NPTX2: variants seen among roughly 807,000 people sequenced by gnomAD.
The protein encoded by NPTX2 is neuronal pentraxin 2.
A neutral mutation model predicts 38.1 loss-of-function variants in NPTX2; 23 were observed. The ratio of observed to expected loss-of-function variants is 0.60; its 90% confidence interval spans 0.43 to 0.85. The LOEUF (loss-of-function observed/expected upper bound fraction) is 0.85, where lower values mean the gene tolerates loss of function less well. Ranked by LOEUF, NPTX2 falls within the 40% of genes least tolerant of loss-of-function variation. The pLI is 0.00. For synonymous variants in NPTX2, 291 were observed against 287.3 expected, an observed-to-expected ratio of 1.01 and a Z score of -0.13; for missense variants, 553 against 615.3, an observed-to-expected ratio of 0.90 and a Z score of 1.07.
intron 3 of NPTX2, 99 bp downstream of exon 3, chr7:98,625,265 C>T (rs1373379363): frequency 3.8e-5 from 55 of 1,439,386 alleles, no homozygotes; most frequent in Non-Finnish European, 5.0e-5. Flanking sequence ...TCGGGCCACA[C>T]AGCAGTGTCC....
At chr7:98,628,130 G>A (rs1291795535) in intron 4 of NPTX2, among the ~76,000 whole-genome samples, 1 of 152,134 alleles carries the variant, frequency 6.6e-6, no homozygotes, top group African/African-American at 2.4e-5. Flanking sequence ...GGAGGGGCTG[G>A]GAGTCATGAG....
At position 98,627,321 on chromosome 7, in the gene NPTX2, G is replaced by T; in HGVS notation, c.1045G>T (p.Val349Leu). Reference protein sequence around the residue: ...APWHPIKPGGVLILGQEQDTV... With the variant: ...APWHPIKPGGLLILGQEQDTV... ...CTGGCACCCCATCAAGCCCGGGGGC[G>T]TGCTGATCCTTGGACAAGAGCAGGT... The change falls in exon 4 of 5, where the codon GTG becomes TTG. Residue 349 changes from valine (V) to leucine (L), a missense_variant. Val to Leu is a conservative substitution (Grantham distance 32, BLOSUM62 1). Coordinates refer to ENST00000265634, the MANE Select transcript of NPTX2 (RefSeq NM_002523.3). The T allele has an allele frequency of 6.2e-7, 1 of 1,613,688 alleles. No individual in the cohort carries two copies. Among genetic ancestry groups the T allele is most frequent in the Non-Finnish European group, 8.5e-7 (1 of 1,179,898 alleles).
intron 2 of NPTX2, among the ~76,000 whole-genome samples, chr7:98,622,213 T>G (rs1791282109): frequency 6.6e-6 from 1 of 152,204 alleles, no homozygotes; most frequent in South Asian, 2.1e-4. Flanking sequence ...GATTTATTGG[T>G]CAGGCCTTTT....
In NPTX2 at chr7:98,627,746, G is replaced by A. The variant is rs184776868; in HGVS notation, c.1068+402G>A. On this transcript the variant is annotated intron_variant, in intron 4 of 4. Coordinates refer to ENST00000265634, the MANE Select transcript of NPTX2 (RefSeq NM_002523.3). ...TCCATCTGGGAGGAGGCTGTGTGAG[G>A]GACCCTCCTGGGATGCTCATGGTAC... is the stretch of plus-strand genomic sequence containing the variant. Among the ~76,000 whole-genome samples, 273 of 152,296 alleles carry A rather than the reference G, an allele frequency of 1.8e-3. 3 individuals are homozygous for A. The highest frequency in any genetic ancestry group is 0.01 in the Middle Eastern group (3 of 294).
chr7:98,620,022 A>G, intron 2 of NPTX2, 163 bp downstream of exon 2: 1 of 658,250 alleles, frequency 1.5e-6, no homozygotes, highest in Non-Finnish European at 2.6e-6. Flanking sequence ...AGGTCATCTC[A>G]GGAATGAGCT....
At chr7:98,619,019 G>A (rs1791228536) in intron 1 of NPTX2, among the ~76,000 whole-genome samples, 1 of 152,132 alleles carries the variant, frequency 6.6e-6, no homozygotes, top group Non-Finnish European at 1.5e-5. Flanking sequence ...TGTGGAGAAA[G>A]GTAAATAGCT....
chr7:98,624,264 T>A (rs1791310309), intron 2 of NPTX2, among the ~76,000 whole-genome samples: 1 of 152,174 alleles, frequency 6.6e-6, no homozygotes, highest in African/African-American at 2.4e-5. Context: ...GCTAATTTTT[T>A]AAATTTTTTG....
intron 3 of NPTX2, 83 bp from the exon 4 acceptor site, chr7:98,627,082 G>C: frequency 1.1e-6 from 1 of 871,406 alleles, no homozygotes; most frequent in Non-Finnish European, 1.8e-6. Context: ...GGGGGACTGT[G>C]GGGTGTCCTT....
Position 98,627,351 on chromosome 7 carries a change from GCAGGGCAGGTGCAGGTGGGCA to G in NPTX2, c.1068+13_1068+33del, listed in dbSNP as rs770952997. 2 of 1,612,228 alleles carry G rather than the reference GCAGGGCAGGTGCAGGTGGGCA, an allele frequency of 1.2e-6. No homozygotes were observed. The highest frequency in any genetic ancestry group is 1.7e-6 in the Non-Finnish European group (2 of 1,179,422). Reference sequence around the variant, plus strand: ...GATCCTTGGACAAGAGCAGGTGGGTGCAGGGCAGGTGCAGGTGGGCACAGGGTGGGTGCAGGATGGGCACAG... The same window carrying G: ...GATCCTTGGACAAGAGCAGGTGGGTGCAGGGTGGGTGCAGGATGGGCACAG... On this transcript the variant is annotated splice_region_variant and intron_variant, in intron 4 of 4. Transcript: ENST00000265634.
At position 98,628,437 on chromosome 7, in the gene NPTX2, AT is replaced by A; in HGVS notation, c.1107del (p.Phe369LeufsTer130). 1 of 1,610,598 alleles carries A rather than the reference AT, an allele frequency of 6.2e-7. No homozygotes were observed. The highest frequency in any genetic ancestry group is 1.1e-5 in the South Asian group (1 of 90,446). ...GGGGTAGGTTTGATGCCACTCAGGC[AT>A]TTGTCGGGGAGCTCAGCCAGTTCAA... ...VGGRFDATQA[F>X]VGELSQFNIW... On this transcript the variant is annotated frameshift_variant, in exon 5 of 5. Transcript: ENST00000265634. LOFTEE classifies it high-confidence loss of function.
rs557855735 is a variant in NPTX2 at position 98,617,331 on chromosome 7, C to T, written c.-131C>T. On this transcript the variant is annotated 5_prime_UTR_variant, in exon 1 of 5. Transcript: ENST00000265634. Reference sequence around the variant, plus strand: ...GGTGCGGCTGTGAGACGGCAGGAGACTTCTGCCCCGCGGTGCACGCGACCC... The same window carrying T: ...GGTGCGGCTGTGAGACGGCAGGAGATTTCTGCCCCGCGGTGCACGCGACCC... The T allele has an allele frequency of 3.4e-6, 1 of 291,542 alleles. No homozygotes were observed. The highest frequency in any genetic ancestry group is 5.2e-5 in the Admixed American group (1 of 19,332). 18.1% of individuals were successfully genotyped at this position (291,542 alleles called of 1,614,324 possible).
intron 3 of NPTX2, among the ~76,000 whole-genome samples, chr7:98,625,441 G>A (rs766193458): frequency 1.4e-4 from 21 of 152,294 alleles, no homozygotes; most frequent in African/African-American, 2.2e-4. Context: ...ACAGATCTCC[G>A]TGTGCAGCCT....
chr7:98,618,866 C>T, intron 1 of NPTX2, among the ~76,000 whole-genome samples: 1 of 151,874 alleles, frequency 6.6e-6, no homozygotes, highest in East Asian at 1.9e-4. Context: ...TCTGTATATC[C>T]CCTGATTCAT....
chr7:98,626,937 G>A (rs556096519), intron 3 of NPTX2, among the ~76,000 whole-genome samples: 7 of 152,298 alleles, frequency 4.6e-5, no homozygotes, highest in East Asian at 3.9e-4. Context: ...ACATCTGTTC[G>A]GTCCTCAGCC....
At chr7:98,622,506 G>GTGGC (rs994816451) in intron 2 of NPTX2, among the ~76,000 whole-genome samples, 15 of 152,238 alleles carry the variant, frequency 9.9e-5, no homozygotes, top group Admixed American at 8.5e-4. Flanking sequence ...TTAAGTGTGA[G>GTGGC]TGGCTAAGTG....
In NPTX2 at chr7:98,617,935, G is replaced by C. The variant is rs1427975311; in HGVS notation, c.426+48G>C. The C allele has an allele frequency of 2.0e-6, 3 of 1,518,018 alleles. No homozygotes were observed. In the African/African-American group the frequency reaches 4.2e-5, roughly 21 times the overall value. 94.0% of individuals were successfully genotyped at this position (1,518,018 alleles called of 1,614,324 possible). A position where few individuals can be genotyped will look rare whatever the true frequency, so the allele number is the denominator to read the frequency against. The stretch of plus-strand genomic sequence containing the variant: ...GGGGACCTGGAATGGGGACGCTCCC[G>C]AGTCGGGGGCGGAAGACTCGGGAGG... On this transcript the variant is annotated intron_variant, in intron 1 of 4. Coordinates refer to ENST00000265634, the MANE Select transcript of NPTX2 (RefSeq NM_002523.3).
rs528316979 is a variant in NPTX2, at chr7:98,625,099, G to A, written c.821G>A (p.Gly274Glu). 3 of 1,612,250 alleles carry A rather than the reference G, an allele frequency of 1.9e-6. No individual in the cohort carries two copies. The South Asian group carries it at 3.3e-5, about 18-fold the overall frequency. The change falls in exon 3 of 5, where the codon GGG (glycine) becomes GAG (glutamate). Residue 274 changes from glycine (G) to glutamate (E), a missense_variant. Gly to Glu is a moderately conservative substitution (Grantham distance 98). Transcript: ENST00000265634. ...IGTPFSYAVPGQANEIVLIEW... is the reference protein window; with the variant it reads ...IGTPFSYAVPEQANEIVLIEW... ...ACCCCCTTCTCCTATGCGGTGCCAG[G>A]GCAGGCCAACGAGATCGTGCTGATC... is the stretch of plus-strand genomic sequence containing the variant.
chr7:98,628,679 G>A lies in NPTX2; in HGVS notation c.*50G>A, dbSNP rs1235602679. 1.1e-6 allele frequency: 1 copy of A among 877,432 alleles called. No individual in the cohort carries two copies. The highest frequency in any genetic ancestry group is 1.8e-6 in the Non-Finnish European group (1 of 564,722). 54.4% of individuals were successfully genotyped at this position (877,432 alleles called of 1,614,324 possible). ...CCGGGATCAGGCTGTTGCCATGGAA[G>A]TTCAGGGCCATAGACTGCCCCACTT... On this transcript the variant is annotated 3_prime_UTR_variant, in exon 5 of 5. Transcript: ENST00000265634.
In NPTX2 at chr7:98,617,758, C is replaced by T; in HGVS notation, c.297C>T (p.Gly99=). The T allele has an allele frequency of 7.0e-7, 1 of 1,428,780 alleles. No homozygotes were observed. Among genetic ancestry groups the T allele is most frequent in the Admixed American group, 3.1e-5 (1 of 32,528 alleles). 88.5% of individuals were successfully genotyped at this position (1,428,780 alleles called of 1,614,324 possible). A position where few individuals can be genotyped will look rare whatever the true frequency, so the allele number is the denominator to read the frequency against. ...TAGCGCGCTGCGAGGGGCTGGCGGG[C>T]GGCAAGGCGCGCGGCGCGGGGGCCA... is the stretch of plus-strand genomic sequence containing the variant. ...GKLARCEGLA[G]GKARGAGATG... is the part of the protein sequence containing the mutation. The change falls in exon 1 of 5, where the codon GGC becomes GGT. Residue 99 remains glycine, a synonymous_variant. Transcript: ENST00000265634.
Sources: gnomAD v4.1 joint callset for allele counts (sites outside exome capture counted in the v4.1 genomes callset) on GRCh38, gnomAD v4.1.1 for gene constraint, MANE v1.5 for transcripts, NCBI Gene and HGNC (gene_info 2026-07-23, HGNC 2026-07-21) for gene names.